RNASET2: variants seen among roughly 807,000 people sequenced by gnomAD.
RNASET2 encodes the protein ribonuclease 6.
In RNASET2, 28 loss-of-function variants were observed where a neutral mutation model predicts 33.9. The ratio of observed to expected loss-of-function variants is 0.83; its 90% CI spans 0.61 to 1.13. The LOEUF is 1.13. Among genes scored for constraint, RNASET2 ranks in the 50% most tolerant of loss-of-function variants. The probability of loss-of-function intolerance (pLI) is 0.00; values close to 1 mark genes in which losing one functional copy is unlikely to be tolerated. For synonymous variants in RNASET2, 123 were observed against 121.0 expected (o/e 1.02, Z -0.11); for missense variants, 330 against 319.9 (o/e 1.03, Z -0.24).
rs1428610263 is a variant in RNASET2, at chr6:166,931,220, T to G, written c.493-102A>C. ...AACAGTGGCAGGGTCCTGGTCTCCC[T>G]TGGCTGGCAGGGACAGGACCCAGCA... On this transcript the variant is annotated intron_variant, in intron 7 of 8. Transcript: ENST00000508775. 7 of 871,458 alleles carry G rather than the reference T, an allele frequency of 8.0e-6. No individual in the cohort carries two copies. In the Admixed American group the frequency reaches 1.2e-4, roughly 15 times the overall value. The allele number at this position is 871,458 out of a possible 1,614,324, so 54.0% of individuals were successfully genotyped here.
In RNASET2 at chr6:166,928,105, T is replaced by C. The variant is rs1778335309; in HGVS notation, c.*1483A>G. On this transcript the variant is annotated 3_prime_UTR_variant, in exon 9 of 9. Coordinates refer to ENST00000508775, the MANE Select transcript of RNASET2 (RefSeq NM_003730.6). ...GGGACTGCTTCCATCAAATCCCCCA[T>C]CATCTCACTCTGTCTGTCTGCAGAA... Among the ~76,000 whole-genome samples the C allele has an allele frequency of 6.6e-6, 1 of 152,198 alleles. No homozygotes were observed.
rs746754957 is a variant in RNASET2, at chr6:166,925,252, C to T, written c.*4336G>A. 2.7e-5 allele frequency among the ~76,000 whole-genome samples: 4 copies of T among 150,186 alleles called. No individual in the cohort carries two copies. Among genetic ancestry groups the T allele is most frequent in the Non-Finnish European group, 4.4e-5 (3 of 67,572 alleles). Reference sequence around the variant, plus strand: ...TGCTGTCCAGCCGACACCTACGATGCGCAGTCCATGTCTCCGCTGCCCAGG... The same window carrying T: ...TGCTGTCCAGCCGACACCTACGATGTGCAGTCCATGTCTCCGCTGCCCAGG... On this transcript the variant is annotated 3_prime_UTR_variant, in exon 9 of 9. Transcript: ENST00000508775.
Position 166,956,337 on chromosome 6 carries a change from G to A in RNASET2, c.-155C>T, listed in dbSNP as rs1030764462. The stretch of plus-strand genomic sequence containing the variant: ...GCAGCGGCCACCGGGTGCGCCCGGA[G>A]CCCTGGGACGGCCTAAACCAGTATC... On this transcript the variant is annotated 5_prime_UTR_variant, in exon 1 of 9. Transcript: ENST00000508775. 80 of 724,682 alleles carry A rather than the reference G, an allele frequency of 1.1e-4. No homozygotes were observed. Among genetic ancestry groups the A allele is most frequent in the Middle Eastern group, 7.4e-4 (2 of 2,692 alleles). 44.9% of individuals were successfully genotyped at this position (724,682 alleles called of 1,614,324 possible). A position where few individuals can be genotyped will look rare whatever the true frequency, so the allele number is the denominator to read the frequency against.
chr6:166,947,069 G>C (rs771066944), intron 3 of RNASET2, among the ~76,000 whole-genome samples: 54 of 152,220 alleles, frequency 3.5e-4, no homozygotes, highest in Non-Finnish European at 6.3e-4. Context: ...TGGGTTGACG[G>C]CAACCTCTGC....
chr6:166,934,097 G>A lies in RNASET2; in HGVS notation c.486C>T (p.Tyr162=), dbSNP rs1778510005. ...AAGCAAAAGCAAGACTTACTTGGTA[G>A]TAATTGATGGATGGTTTTATCCCCA... ...LKLGIKPSIN[Y]YQVADFKDAL... The change falls in exon 7 of 9, where the codon TAC becomes TAT. Residue 162 remains tyrosine (Y), a synonymous_variant. Coordinates refer to ENST00000508775, the MANE Select transcript of RNASET2 (RefSeq NM_003730.6). The A allele has an allele frequency of 6.2e-7, 1 of 1,609,614 alleles. No individual in the cohort carries two copies. The highest frequency in any genetic ancestry group is 2.2e-5 in the East Asian group (1 of 44,878).
rs77488359 is a variant in RNASET2, at chr6:166,931,833, C to T, written c.493-715G>A. On this transcript the variant is annotated intron_variant, in intron 7 of 8. Transcript: ENST00000508775. ...TTTGCCCCTTGCCTCAGACACTGTC[C>T]ACTCCTTCCACGAAGCTCTCCTGTG... 315 of 154,248 alleles carry T rather than the reference C, an allele frequency of 2.0e-3. 2 individuals are homozygous for T. The highest frequency in any genetic ancestry group is 0.01 in the Middle Eastern group (3 of 300). 9.6% of individuals were successfully genotyped at this position (154,248 alleles called of 1,614,324 possible).
In RNASET2 at chr6:166,927,496, A is replaced by T. The variant is rs932897784; in HGVS notation, c.*2092T>A. ...CATCCGCTCTCAAATGCTCACACTC[A>T]TATAATAAATACACGCTACTTAAAA... On this transcript the variant is annotated 3_prime_UTR_variant, in exon 9 of 9. Coordinates refer to ENST00000508775, the MANE Select transcript of RNASET2 (RefSeq NM_003730.6). Among the ~76,000 whole-genome samples the T allele has an allele frequency of 6.6e-6, 1 of 151,882 alleles. No homozygotes were observed. Among genetic ancestry groups the T allele is most frequent in the Non-Finnish European group, 1.5e-5 (1 of 68,014 alleles).
chr6:166,935,746 C>A (rs561534889), intron 6 of RNASET2, among the ~76,000 whole-genome samples: 1 of 152,174 alleles, frequency 6.6e-6, no homozygotes, highest in Non-Finnish European at 1.5e-5. Context: ...GGTGCGATCT[C>A]GACTCACTGC....
chr6:166,952,630 A>C, intron 1 of RNASET2, 82 bp from the exon 2 acceptor site: 3 of 1,052,080 alleles, frequency 2.9e-6, no homozygotes, highest in Non-Finnish European at 4.4e-6. Flanking sequence ...CATCCCTTCA[A>C]TCATTCATTC....
intron 2 of RNASET2, among the ~76,000 whole-genome samples, chr6:166,948,847 C>T (rs774140796): frequency 5.9e-5 from 9 of 152,162 alleles, no homozygotes; most frequent in African/African-American, 1.4e-4. Context: ...CTAAGCCAAA[C>T]GTCAAACAAC....
intron 6 of RNASET2, among the ~76,000 whole-genome samples, chr6:166,935,898 C>T (rs746198070): frequency 3.9e-5 from 6 of 152,190 alleles, no homozygotes; most frequent in Non-Finnish European, 8.8e-5. Flanking sequence ...TGTTCATGAA[C>T]TCCTGACCTC....
intron 5 of RNASET2, among the ~76,000 whole-genome samples, chr6:166,941,639 C>T (rs557307358): frequency 4.6e-5 from 7 of 152,162 alleles, no homozygotes; most frequent in Admixed American, 6.5e-5. Flanking sequence ...CACTGCCACA[C>T]CGATGAACCA....
intron 8 of RNASET2, 150 bp downstream of exon 8, chr6:166,930,894 A>G: frequency 1.4e-6 from 1 of 716,580 alleles, no homozygotes; most frequent in Admixed American, 1.9e-5. Context: ...ACACACACAC[A>G]TGCACACACA....
chr6:166,941,391 A>C (rs1188089879), intron 5 of RNASET2, among the ~76,000 whole-genome samples: 1 of 152,258 alleles, frequency 6.6e-6, no homozygotes, highest in Non-Finnish European at 1.5e-5. Flanking sequence ...AACTGGAAAA[A>C]TTCTCTTTCA....
At chr6:166,952,413 G>A in intron 2 of RNASET2, 75 bp downstream of exon 2, 1 of 1,305,332 alleles carries the variant, frequency 7.7e-7, no homozygotes, top group Non-Finnish European at 1.1e-6. Context: ...GGGTGCCCTG[G>A]ACGGGCACGT....
In RNASET2 at chr6:166,924,897, G is replaced by A. The variant is rs893368243; in HGVS notation, c.*4691C>T. 5.3e-5 allele frequency among the ~76,000 whole-genome samples: 8 copies of A among 152,304 alleles called. No homozygotes were observed. The highest frequency in any genetic ancestry group is 1.3e-4 in the Admixed American group (2 of 15,300). On this transcript the variant is annotated 3_prime_UTR_variant, in exon 9 of 9. Coordinates refer to ENST00000508775, the MANE Select transcript of RNASET2 (RefSeq NM_003730.6). ...GCCATGTCCCAGTGCCTAGAAGAGAGGCGGCTCATAGGAAGGGTTGAAAAA... is the reference window on the plus strand; with the variant it reads ...GCCATGTCCCAGTGCCTAGAAGAGAAGCGGCTCATAGGAAGGGTTGAAAAA...
rs1227125586 is a variant in RNASET2, at chr6:166,927,646, T to A, written c.*1942A>T. Among the ~76,000 whole-genome samples, 4 of 143,322 alleles carry A rather than the reference T, an allele frequency of 2.8e-5. No individual in the cohort carries two copies. Among genetic ancestry groups the A allele is most frequent in the Non-Finnish European group, 6.0e-5 (4 of 67,140 alleles). The allele number at this position is 143,322 out of a possible 152,430, so 94.0% of individuals were successfully genotyped here. A position where few individuals can be genotyped will look rare whatever the true frequency, so the allele number is the denominator to read the frequency against. On this transcript the variant is annotated 3_prime_UTR_variant, in exon 9 of 9. Transcript: ENST00000508775. ...ATTTGAATAGGAAGTCTGTTCAAAT[T>A]CACCAGCTCCTCTGGGAATAATGAA...
rs576639665 is a variant in RNASET2, at chr6:166,923,228, C to CTTTTTTTTTT, written c.*6350_*6359dup. Among the ~76,000 whole-genome samples the CTTTTTTTTTT allele has an allele frequency of 8.7e-3, 891 of 102,618 alleles. 106 individuals are homozygous for CTTTTTTTTTT. Among genetic ancestry groups the CTTTTTTTTTT allele is most frequent in the African/African-American group, 0.044 (849 of 19,100 alleles). The allele number at this position is 102,618 out of a possible 152,430, so 67.3% of individuals were successfully genotyped here. On this transcript the variant is annotated 3_prime_UTR_variant, in exon 9 of 9. Coordinates refer to ENST00000508775, the MANE Select transcript of RNASET2 (RefSeq NM_003730.6). ...ACAGGCGTGAGCCACCAGGCCCGGCCTTTTTTTTTTTTTTTTTTTTTGAGA... is the reference window on the plus strand; with the variant it reads ...ACAGGCGTGAGCCACCAGGCCCGGCCTTTTTTTTTTTTTTTTTTTTTTTTTTTTTTTGAGA...
rs140538807 is a variant in RNASET2, at chr6:166,929,015, G to A, written c.*573C>T. On this transcript the variant is annotated 3_prime_UTR_variant, in exon 9 of 9. Transcript: ENST00000508775. ...TCTGTGAATACACCCAAATCTCCTA[G>A]GGCAGGAGGGGCAAAGTCACCGTTC... is the stretch of plus-strand genomic sequence containing the variant. 3.0e-3 allele frequency among the ~76,000 whole-genome samples: 462 copies of A among 152,342 alleles called. 1 individual carries two copies. Among genetic ancestry groups the A allele is most frequent in the Non-Finnish European group, 4.9e-3 (334 of 68,024 alleles).
Sources: gnomAD v4.1 joint callset for allele counts (sites outside exome capture counted in the v4.1 genomes callset) on GRCh38, gnomAD v4.1.1 for gene constraint, MANE v1.5 for transcripts, NCBI Gene and HGNC (gene_info 2026-07-23, HGNC 2026-07-21) for gene names.